The following SLC30A7 variants were observed in gnomAD, a reference collection of about 807,000 sequenced individuals.
SLC30A7 encodes zinc transporter 7.
In SLC30A7, 35 loss-of-function variants were observed where a neutral mutation model predicts 46.0. The observed-to-expected ratio is 0.76, with a 90% confidence interval of 0.58 to 1.01. SLC30A7 has a LOEUF of 1.01. SLC30A7 is among the 50% of genes least tolerant of loss of function. The pLI is 0.00. For missense variants in SLC30A7, 464 were observed against 451.1 expected (o/e 1.03, Z -0.26); for synonymous variants, 147 against 157.8 (o/e 0.93, Z 0.51).
Position 100,967,426 on chromosome 1 carries a change from C to T in SLC30A7, c.1083+1508C>T, listed in dbSNP as rs377072768. Among the ~76,000 whole-genome samples the T allele has an allele frequency of 3.2e-4, 48 of 152,274 alleles. 1 individual carries two copies. In the South Asian group the frequency reaches 9.1e-3, roughly 29 times the overall value. On this transcript the variant is annotated intron_variant, in intron 10 of 10. Transcript: ENST00000357650. ...AATGCCACAGTTCACCCGCCACTCA[C>T]CGCTGTGAGTGGCCTTGTTCCTAAC...
At chr1:100,936,095 C>G (rs970404620) in intron 8 of SLC30A7, among the ~76,000 whole-genome samples, 1 of 143,068 alleles carries the variant, frequency 7.0e-6, no homozygotes, top group African/African-American at 2.6e-5. Flanking sequence ...TTTTTTTTTT[C>G]TACTCCAGTG....
chr1:100,923,279 G>GA (rs1484188444), intron 8 of SLC30A7, among the ~76,000 whole-genome samples: 12 of 151,074 alleles, frequency 7.9e-5, no homozygotes, highest in East Asian at 1.9e-4. Flanking sequence ...GCCTCCCAAA[G>GA]TGCTGGGATT....
chr1:100,955,463 C>G (rs1158637695), intron 8 of SLC30A7, among the ~76,000 whole-genome samples: 1 of 152,000 alleles, frequency 6.6e-6, no homozygotes, highest in Non-Finnish European at 1.5e-5. Flanking sequence ...AAACTCATAC[C>G]TAATGACTCA....
At chr1:100,924,095 C>T (rs543159926) in intron 8 of SLC30A7, among the ~76,000 whole-genome samples, 1 of 152,238 alleles carries the variant, frequency 6.6e-6, no homozygotes, top group East Asian at 1.9e-4. Flanking sequence ...TTCTGTCTCC[C>T]TCTAAACACA....
intron 7 of SLC30A7, among the ~76,000 whole-genome samples, chr1:100,918,456 C>T (rs968326513): frequency 6.6e-5 from 10 of 152,092 alleles, no homozygotes; most frequent in African/African-American, 1.9e-4. Context: ...ATATGAGACT[C>T]GTATCTCAAA....
chr1:100,948,556 G>T (rs920910671), intron 8 of SLC30A7, among the ~76,000 whole-genome samples: 2 of 152,112 alleles, frequency 1.3e-5, no homozygotes, highest in Non-Finnish European at 2.9e-5. Context: ...TCTTTGTGGT[G>T]TTCTTTATAT....
chr1:100,974,685 C>A, intron 10 of SLC30A7, 125 bp from the exon 11 acceptor site: 2 of 614,682 alleles, frequency 3.3e-6, no homozygotes, highest in Middle Eastern at 3.5e-4. Flanking sequence ...ATATTTGTTT[C>A]TGAAATGATT....
intron 8 of SLC30A7, among the ~76,000 whole-genome samples, chr1:100,950,603 GTTGATGTTTTCCTGAGCTTT>G (rs1487478969): frequency 3.7e-4 from 57 of 152,132 alleles, no homozygotes; most frequent in Non-Finnish European, 8.8e-5. Flanking sequence ...TATTTTTACT[GTTGATGTTTTCCTGAGCTTT>G]TGCATTTTTT....
Position 100,901,559 on chromosome 1 carries a change from A to G in SLC30A7, c.182+4888A>G, listed in dbSNP as rs539734571. Among the ~76,000 whole-genome samples the G allele has an allele frequency of 3.8e-3, 582 of 152,214 alleles. 1 individual carries two copies. Among genetic ancestry groups the G allele is most frequent in the African/African-American group, 0.013 (560 of 41,542 alleles). ...AACCTCTGCCCCCTGAGTTCAAGCA[A>G]TCCTCCTGCCTCAGCCTCCCAAGTA... On this transcript the variant is annotated intron_variant, in intron 2 of 10. Coordinates refer to ENST00000357650, the MANE Select transcript of SLC30A7 (RefSeq NM_133496.5).
the SLC30A7 span, among the ~76,000 whole-genome samples, chr1:100,988,451 T>G: frequency 6.6e-6 from 1 of 152,236 alleles, no homozygotes; most frequent in Non-Finnish European, 1.5e-5. Flanking sequence ...CAGAAGTCCT[T>G]CATTATATAG....
chr1:100,973,162 T>C (rs1291700750), intron 10 of SLC30A7, among the ~76,000 whole-genome samples: 1 of 152,076 alleles, frequency 6.6e-6, no homozygotes, highest in Non-Finnish European at 1.5e-5. Context: ...TTCGAGTAGT[T>C]CCTGAATCCT....
chr1:100,944,806 C>T (rs558640099), intron 8 of SLC30A7, among the ~76,000 whole-genome samples: 39 of 151,208 alleles, frequency 2.6e-4, no homozygotes, highest in Non-Finnish European at 5.0e-4. Context: ...ATTTATAATC[C>T]TTTGTGGGAT....
intron 7 of SLC30A7, among the ~76,000 whole-genome samples, chr1:100,918,977 T>A (rs1185703960): frequency 3.9e-5 from 6 of 152,220 alleles, no homozygotes; most frequent in Non-Finnish European, 7.3e-5. Flanking sequence ...CATAAGTTGA[T>A]CATTTTAAGT....
intron 8 of SLC30A7, among the ~76,000 whole-genome samples, chr1:100,936,831 A>G (rs941897413): frequency 1.3e-5 from 2 of 152,166 alleles, no homozygotes; most frequent in African/African-American, 4.8e-5. Flanking sequence ...GTACCTTATA[A>G]AAGTAGAGTC....
chr1:100,917,879 T>C (rs1172968066), intron 6 of SLC30A7, among the ~76,000 whole-genome samples, 198 bp from the exon 7 acceptor site: 1 of 152,198 alleles, frequency 6.6e-6, no homozygotes, highest in African/African-American at 2.4e-5. Context: ...TCCATACTTT[T>C]GATGAATTTT....
intron 10 of SLC30A7, among the ~76,000 whole-genome samples, chr1:100,974,318 C>G (rs114646944): frequency 0.024 from 3,597 of 152,122 alleles, 134 homozygotes; most frequent in African/African-American, 0.079. Context: ...ATTGATAATA[C>G]AGAAGATATT....
At chr1:100,945,475 G>A (rs1422974719) in intron 8 of SLC30A7, among the ~76,000 whole-genome samples, 1 of 152,140 alleles carries the variant, frequency 6.6e-6, no homozygotes, top group African/African-American at 2.4e-5. Context: ...AAGGTGTAAG[G>A]AAAGGATCCA....
chr1:100,943,358 G>A (rs1334188566), intron 8 of SLC30A7, among the ~76,000 whole-genome samples: 1 of 151,668 alleles, frequency 6.6e-6, no homozygotes, highest in East Asian at 1.9e-4. Context: ...GATGCATGGG[G>A]TGAGGTATGG....
At chr1:100,922,296 G>A (rs1653000235) in intron 8 of SLC30A7, among the ~76,000 whole-genome samples, 1 of 151,898 alleles carries the variant, frequency 6.6e-6, no homozygotes, top group African/African-American at 2.4e-5. Context: ...TATGTTTTCT[G>A]TGTTTGCCAT....
Sources: allele counts gnomAD v4.1 joint callset (sites outside exome capture counted in the v4.1 genomes callset), GRCh38; gene constraint gnomAD v4.1.1; transcripts MANE v1.5; gene names NCBI Gene and HGNC (gene_info 2026-07-23, HGNC 2026-07-21).